SLC24A3: variants seen among roughly 807,000 people sequenced by gnomAD.
SLC24A3 encodes the protein solute carrier family 24 member 3, also known as sodium/potassium/calcium exchanger 3.
SLC24A3 carries 28 observed loss-of-function variants against 75.8 expected under a neutral mutation model. The ratio of observed to expected loss-of-function variants is 0.37; its 90% CI spans 0.27 to 0.51. SLC24A3 has a LOEUF of 0.51. Ranked by LOEUF, SLC24A3 falls within the 20% of genes least tolerant of loss-of-function variation. The pLI, the probability that SLC24A3 is intolerant of heterozygous loss-of-function variation, is 0.94. For missense variants in SLC24A3, 663 were observed against 847.8 expected (o/e 0.78, Z 2.71); for synonymous variants, 372 against 334.1 (o/e 1.11, Z -1.24).
chr20:19,440,256 C>T (rs1039432261), intron 2 of SLC24A3, among the ~76,000 whole-genome samples: 2 of 152,212 alleles, frequency 1.3e-5, no homozygotes, highest in Non-Finnish European at 2.9e-5. Flanking sequence ...GACCGTGCAT[C>T]CACTCACCTT....
chr20:19,214,788 T>C (rs1367638145), intron 1 of SLC24A3, among the ~76,000 whole-genome samples: 2 of 152,166 alleles, frequency 1.3e-5, no homozygotes, highest in East Asian at 3.8e-4. Flanking sequence ...TCAGATTTAG[T>C]TCCATAGCAC....
chr20:19,603,708 CATT>C (rs2031559309), intron 6 of SLC24A3, among the ~76,000 whole-genome samples: 1 of 152,146 alleles, frequency 6.6e-6, no homozygotes, highest in Non-Finnish European at 1.5e-5. Context: ...TCCTTAAATT[CATT>C]GTTCATTTTG....
At chr20:19,619,752 T>C (rs1029883698) in intron 6 of SLC24A3, among the ~76,000 whole-genome samples, 2 of 152,166 alleles carry the variant, frequency 1.3e-5, no homozygotes, top group African/African-American at 2.4e-5. Context: ...ACGTTGTATG[T>C]ATGTTATTAA....
intron 2 of SLC24A3, among the ~76,000 whole-genome samples, chr20:19,337,724 C>T (rs1359553976): frequency 6.6e-6 from 1 of 152,136 alleles, no homozygotes; most frequent in Non-Finnish European, 1.5e-5. Context: ...GTCCATAGGT[C>T]AGCTGGGCAG....
At chr20:19,281,223 A>G in intron 2 of SLC24A3, 136 bp downstream of exon 2, 1 of 1,305,736 alleles carries the variant, frequency 7.7e-7, no homozygotes, top group East Asian at 2.5e-5. Flanking sequence ...GAGTCTAAGA[A>G]ACTTTCAGGT....
chr20:19,461,377 A>G (rs1451468917), intron 2 of SLC24A3, among the ~76,000 whole-genome samples: 2 of 152,228 alleles, frequency 1.3e-5, no homozygotes, highest in East Asian at 3.8e-4. Context: ...ATATACATAT[A>G]CATATATGCA....
At chr20:19,480,425 C>A (rs1988034807) in intron 2 of SLC24A3, among the ~76,000 whole-genome samples, 1 of 152,202 alleles carries the variant, frequency 6.6e-6, no homozygotes, top group Non-Finnish European at 1.5e-5. Context: ...AGCCATCCTG[C>A]CTTTGGGACT....
intron 3 of SLC24A3, among the ~76,000 whole-genome samples, chr20:19,529,820 C>A (rs2122574275): frequency 6.6e-6 from 1 of 152,314 alleles, no homozygotes; most frequent in East Asian, 1.9e-4. Flanking sequence ...TGTCCCAGTT[C>A]TTGCTTGCGT....
intron 2 of SLC24A3, among the ~76,000 whole-genome samples, chr20:19,362,610 G>A (rs1415724495): frequency 6.6e-6 from 1 of 152,166 alleles, no homozygotes; most frequent in Non-Finnish European, 1.5e-5. Context: ...TTGGTTTATC[G>A]TTTCCCAGAC....
rs183307769 is a variant in SLC24A3 at position 19,505,745 on chromosome 20, G to T, written c.272-9743G>T. On this transcript the variant is annotated intron_variant, in intron 2 of 16. Coordinates refer to ENST00000328041, the MANE Select transcript of SLC24A3 (RefSeq NM_020689.4). ...CAGACTTTGGTTGACAGTTTCTCTT[G>T]AGAGAAAGAGTGGTATTAATTCTCC... Among the ~76,000 whole-genome samples the T allele has an allele frequency of 3.9e-5, 6 of 152,330 alleles. No homozygotes were observed. The East Asian group carries it at 1.2e-3, about 29-fold the overall frequency.
chr20:19,231,893 ATATT>A (rs1982032485), intron 1 of SLC24A3, among the ~76,000 whole-genome samples: 1 of 152,190 alleles, frequency 6.6e-6, no homozygotes, highest in Non-Finnish European at 1.5e-5. Context: ...ACTTGATTAT[ATATT>A]TATTAGCTCA....
intron 2 of SLC24A3, among the ~76,000 whole-genome samples, chr20:19,346,926 G>A (rs1171933819): frequency 6.6e-6 from 1 of 152,046 alleles, no homozygotes; most frequent in East Asian, 1.9e-4. Flanking sequence ...AAACAAATAG[G>A]CTAATAGAAC....
At chr20:19,325,368 C>T (rs1984814905) in intron 2 of SLC24A3, among the ~76,000 whole-genome samples, 1 of 151,888 alleles carries the variant, frequency 6.6e-6, no homozygotes, top group South Asian at 2.1e-4. Flanking sequence ...ATCCCTTGAG[C>T]CCAGGAGTTC....
chr20:19,649,391 G>A (rs2032174379), intron 6 of SLC24A3, among the ~76,000 whole-genome samples: 1 of 152,148 alleles, frequency 6.6e-6, no homozygotes, highest in African/African-American at 2.4e-5. Flanking sequence ...AAATTGAACT[G>A]GCCAAATGGA....
intron 2 of SLC24A3, among the ~76,000 whole-genome samples, chr20:19,286,020 A>G (rs991550257): frequency 1.3e-5 from 2 of 152,216 alleles, no homozygotes; most frequent in African/African-American, 4.8e-5. Flanking sequence ...GAAGAAGGAA[A>G]ATATTTAAAA....
intron 2 of SLC24A3, among the ~76,000 whole-genome samples, chr20:19,336,114 G>T (rs1316704596): frequency 6.6e-6 from 1 of 152,164 alleles, no homozygotes; most frequent in Non-Finnish European, 1.5e-5. Flanking sequence ...TAGACTACTT[G>T]TTGTTTCTTA....
At chr20:19,530,040 ATGAC>A (rs1430436658) in intron 3 of SLC24A3, among the ~76,000 whole-genome samples, 3 of 152,204 alleles carry the variant, frequency 2.0e-5, no homozygotes, top group Non-Finnish European at 2.9e-5. Flanking sequence ...GACTAAAGAG[ATGAC>A]TGACTATGTC....
At chr20:19,287,852 C>T (rs1243376379) in intron 2 of SLC24A3, among the ~76,000 whole-genome samples, 4 of 152,238 alleles carry the variant, frequency 2.6e-5, no homozygotes, top group East Asian at 1.9e-4. Flanking sequence ...CCACCACTTT[C>T]GACCTGTGTG....
chr20:19,300,596 A>G (rs1435915751), intron 2 of SLC24A3, among the ~76,000 whole-genome samples: 1 of 152,204 alleles, frequency 6.6e-6, no homozygotes, highest in Admixed American at 6.5e-5. Flanking sequence ...TGATACACAC[A>G]TATGCTCATT....
Sources: gnomAD v4.1 joint callset for allele counts (sites outside exome capture counted in the v4.1 genomes callset) on GRCh38, gnomAD v4.1.1 for gene constraint, MANE v1.5 for transcripts, NCBI Gene and HGNC (gene_info 2026-07-23, HGNC 2026-07-21) for gene names.